DYM: variants seen among roughly 807,000 people sequenced by gnomAD.
DYM encodes the protein dymeclin, also known as dyggve-Melchior-Clausen syndrome protein.
Under a neutral mutation model 93.1 loss-of-function variants are expected in DYM, and 78 were observed. That is an observed-to-expected ratio of 0.84 (90% CI 0.70 to 1.01). The LOEUF (loss-of-function observed/expected upper bound fraction) is 1.01, where lower values mean the gene tolerates loss of function less well. Among genes scored for constraint, DYM ranks in the 50% least tolerant of loss-of-function variants. The pLI is 0.00. For synonymous variants in DYM, 321 were observed against 319.7 expected (o/e 1.00, Z -0.04); for missense variants, 789 against 845.0 (o/e 0.93, Z 0.82).
At chr18:49,328,261 A>T (rs1262215464) in intron 8 of DYM, among the ~76,000 whole-genome samples, 1 of 152,230 alleles carries the variant, frequency 6.6e-6, no homozygotes, top group Non-Finnish European at 1.5e-5. Flanking sequence ...ACTACAAAGC[A>T]GAGTGGTATA....
chr18:49,046,741 A>T (rs1194772861), intron 17 of DYM, among the ~76,000 whole-genome samples: 1 of 152,256 alleles, frequency 6.6e-6, no homozygotes, highest in Non-Finnish European at 1.5e-5. Flanking sequence ...CTTTACAAAA[A>T]ATTTAAAAAT....
intron 6 of DYM, among the ~76,000 whole-genome samples, chr18:49,347,092 C>T (rs1180571148): frequency 6.6e-6 from 1 of 152,118 alleles, no homozygotes; most frequent in Non-Finnish European, 1.5e-5. Flanking sequence ...TGTATAGGTA[C>T]TTGAAGTACA....
Position 49,244,304 on chromosome 18 carries a change from G to A in DYM, c.1460+12706C>T, listed in dbSNP as rs532514935. Among the ~76,000 whole-genome samples the A allele has an allele frequency of 5.3e-5, 8 of 152,322 alleles. No homozygotes were observed. In the South Asian group the frequency reaches 1.4e-3, roughly 28 times the overall value. Reference sequence around the variant, plus strand: ...CTGCTTAGACCATCTGTCACAGGGTGTCTGGGACCCCCACTATTCACCCTC... The same window carrying A: ...CTGCTTAGACCATCTGTCACAGGGTATCTGGGACCCCCACTATTCACCCTC... On this transcript the variant is annotated intron_variant, in intron 13 of 17. Transcript: ENST00000675505.
intron 2 of DYM, among the ~76,000 whole-genome samples, chr18:49,418,921 T>G (rs929106865): frequency 1.3e-5 from 2 of 152,280 alleles, no homozygotes; most frequent in South Asian, 4.1e-4. Context: ...ACCTCTATCA[T>G]GTAAACTCAC....
At chr18:49,345,838 G>T (rs1440515913) in intron 6 of DYM, among the ~76,000 whole-genome samples, 1 of 152,140 alleles carries the variant, frequency 6.6e-6, no homozygotes, top group East Asian at 1.9e-4. Context: ...CACAGAAAGG[G>T]TTTTAGAAAG....
At chr18:49,238,317 C>T (rs1359561393) in intron 13 of DYM, among the ~76,000 whole-genome samples, 1 of 152,020 alleles carries the variant, frequency 6.6e-6, no homozygotes, top group African/African-American at 2.4e-5. Context: ...TTTTAAGTAA[C>T]CTTTAAAATT....
chr18:49,456,702 G>A (rs528538452), intron 1 of DYM, among the ~76,000 whole-genome samples: 1 of 152,250 alleles, frequency 6.6e-6, no homozygotes, highest in South Asian at 2.1e-4. Context: ...AGACCTATAT[G>A]TAAAGTTGTT....
chr18:49,208,485 C>A (rs2092628937), intron 14 of DYM: 1 of 152,148 alleles, frequency 6.6e-6, no homozygotes, highest in African/African-American at 2.4e-5. Context: ...AAAGTATCTA[C>A]AATGACTCGA....
chr18:49,058,134 C>CA (rs1248838503), intron 17 of DYM, among the ~76,000 whole-genome samples: 1 of 152,202 alleles, frequency 6.6e-6, no homozygotes, highest in African/African-American at 2.4e-5. Flanking sequence ...CTGGAAAATA[C>CA]AAGACCTTTC....
intron 9 of DYM, among the ~76,000 whole-genome samples, chr18:49,284,348 G>A (rs2095067222): frequency 6.6e-6 from 1 of 152,238 alleles, no homozygotes; most frequent in Non-Finnish European, 1.5e-5. Flanking sequence ...AAGTAACTTT[G>A]CCAAGATCAG....
chr18:49,357,056 C>T (rs2065631301), intron 6 of DYM, among the ~76,000 whole-genome samples: 1 of 152,176 alleles, frequency 6.6e-6, no homozygotes, highest in Admixed American at 6.5e-5. Flanking sequence ...AAACCCTCTG[C>T]TCAACCTAAT....
intron 13 of DYM, among the ~76,000 whole-genome samples, chr18:49,229,704 T>C (rs114945471): frequency 1.1e-4 from 16 of 152,154 alleles, no homozygotes; most frequent in Non-Finnish European, 1.9e-4. Context: ...GAAAATACTT[T>C]GACACCTTCT....
At chr18:49,290,904 A>T (rs1438831855) in intron 8 of DYM, among the ~76,000 whole-genome samples, 1 of 152,126 alleles carries the variant, frequency 6.6e-6, no homozygotes, top group African/African-American at 2.4e-5. Context: ...TAAAAATAAT[A>T]AGGAAGGGAA....
At chr18:49,328,524 A>T (rs541597878) in intron 8 of DYM, among the ~76,000 whole-genome samples, 2 of 152,348 alleles carry the variant, frequency 1.3e-5, no homozygotes, top group South Asian at 2.1e-4. Context: ...AAATTTTTGT[A>T]GTCTACTCAT....
At chr18:49,100,895 A>G (rs2080068654) in intron 16 of DYM, among the ~76,000 whole-genome samples, 1 of 152,232 alleles carries the variant, frequency 6.6e-6, no homozygotes, top group Admixed American at 6.5e-5. Context: ...GGCAATTCCT[A>G]TGTAGCAAAA....
At position 49,274,968 on chromosome 18, in the gene DYM, C is replaced by T. The variant is rs745881239; in HGVS notation, c.1126-2665G>A. Among the ~76,000 whole-genome samples the T allele has an allele frequency of 7.2e-5, 11 of 152,100 alleles. 1 individual carries two copies. Among genetic ancestry groups the T allele is most frequent in the African/African-American group, 1.9e-4 (8 of 41,520 alleles). On this transcript the variant is annotated intron_variant, in intron 10 of 17. Coordinates refer to ENST00000675505, the MANE Select transcript of DYM (RefSeq NM_001353214.3). Reference sequence around the variant, plus strand: ...TCTTGATGGTCCTTTGAAGCACAAACGTTTTTATTTTGATGCAGTTCAATT... The same window carrying T: ...TCTTGATGGTCCTTTGAAGCACAAATGTTTTTATTTTGATGCAGTTCAATT...
At chr18:49,439,371 TCCTC>T (rs1295757160) in intron 1 of DYM, among the ~76,000 whole-genome samples, 1 of 152,164 alleles carries the variant, frequency 6.6e-6, no homozygotes, top group Non-Finnish European at 1.5e-5. Context: ...ATTCTATCAT[TCCTC>T]CCTGTTACCC....
At chr18:49,109,348 A>G (rs2081181379) in intron 16 of DYM, among the ~76,000 whole-genome samples, 2 of 151,854 alleles carry the variant, frequency 1.3e-5, no homozygotes. Flanking sequence ...TATGATTTCT[A>G]TTTTATCTTC....
chr18:49,265,432 A>G (rs2094553836), intron 11 of DYM, among the ~76,000 whole-genome samples: 1 of 152,212 alleles, frequency 6.6e-6, no homozygotes, highest in African/African-American at 2.4e-5. Flanking sequence ...GAAAATGAGA[A>G]CCTTCAGACA....
Sources: gnomAD v4.1 joint callset for allele counts (sites outside exome capture counted in the v4.1 genomes callset) on GRCh38, gnomAD v4.1.1 for gene constraint, MANE v1.5 for transcripts, NCBI Gene and HGNC (gene_info 2026-07-23, HGNC 2026-07-21) for gene names.